The following MFHAS1 variants were observed in gnomAD, a reference collection of about 807,000 sequenced individuals.
MFHAS1 encodes malignant fibrous histiocytoma-amplified sequence 1.
MFHAS1 carries 50 observed loss-of-function variants against 70.4 expected under a neutral mutation model. The observed-to-expected ratio is 0.71, with a 90% CI of 0.57 to 0.90. The LOEUF (loss-of-function observed/expected upper bound fraction) is 0.90, where lower values mean the gene tolerates loss of function less well. Ranked by LOEUF, MFHAS1 falls within the 40% of genes least tolerant of loss-of-function variation. The pLI, the probability that MFHAS1 is intolerant of heterozygous loss-of-function variation, is 0.00. For synonymous variants in MFHAS1, 952 were observed against 620.0 expected (o/e 1.54, Z -7.96); for missense variants, 1,795 against 1,347.6 (o/e 1.33, Z -5.20).
intron 1 of MFHAS1, among the ~76,000 whole-genome samples, chr8:8,834,077 G>A (rs1807508826): frequency 6.6e-6 from 1 of 151,952 alleles, no homozygotes; most frequent in Non-Finnish European, 1.5e-5. Context: ...AGTGAGCCAA[G>A]ATCGTGCCAC....
intron 1 of MFHAS1, among the ~76,000 whole-genome samples, chr8:8,869,353 A>G (rs900843874): frequency 6.6e-6 from 1 of 152,214 alleles, no homozygotes; most frequent in African/African-American, 2.4e-5. Flanking sequence ...GTTATGCACA[A>G]CCATAAAGAA....
At chr8:8,821,319 A>G (rs1276728706) in intron 1 of MFHAS1, among the ~76,000 whole-genome samples, 1 of 152,236 alleles carries the variant, frequency 6.6e-6, no homozygotes, top group Non-Finnish European at 1.5e-5. Flanking sequence ...GTCACTTACT[A>G]CTAAGCCTAT....
At chr8:8,889,121 G>C (rs941654957) in intron 1 of MFHAS1, among the ~76,000 whole-genome samples, 1 of 150,024 alleles carries the variant, frequency 6.7e-6, no homozygotes, top group East Asian at 2.0e-4. Flanking sequence ...CGAAAAAAAA[G>C]TCTACTGGAA....
chr8:8,829,312 C>G (rs1391489839), intron 1 of MFHAS1, among the ~76,000 whole-genome samples: 1 of 152,208 alleles, frequency 6.6e-6, no homozygotes, highest in Non-Finnish European at 1.5e-5. Context: ...GCTCAGCACC[C>G]TGGACATCAT....
At chr8:8,872,498 A>G (rs1809116458) in intron 1 of MFHAS1, among the ~76,000 whole-genome samples, 1 of 152,192 alleles carries the variant, frequency 6.6e-6, no homozygotes, top group African/African-American at 2.4e-5. Flanking sequence ...TTTTCTTTTT[A>G]GCTAAGCAAG....
Position 8,797,293 on chromosome 8 carries a change from T to C in MFHAS1, c.3125+72A>G, listed in dbSNP as rs867416198. ...TTGTGCAGATGCAGTTTAACCTGGA[T>C]TTTTGTGGTCATATCTATGGAGCTG... On this transcript the variant is annotated intron_variant, in intron 2 of 2. Transcript: ENST00000276282. The C allele has an allele frequency of 4.5e-6, 7 of 1,561,840 alleles. No homozygotes were observed. In the Middle Eastern group the frequency reaches 1.0e-3, roughly 230 times the overall value.
chr8:8,864,031 G>A (rs200233893), intron 1 of MFHAS1, among the ~76,000 whole-genome samples: 5 of 152,018 alleles, frequency 3.3e-5, no homozygotes, highest in African/African-American at 7.3e-5. Context: ...CCTGTTTACC[G>A]GCATGTAGTT....
At chr8:8,854,241 A>T (rs571276474) in intron 1 of MFHAS1, among the ~76,000 whole-genome samples, 103 of 152,236 alleles carry the variant, frequency 6.8e-4, no homozygotes, top group African/African-American at 2.4e-3. Context: ...TACTAAAAAC[A>T]TAAAAATTAG....
intron 1 of MFHAS1, among the ~76,000 whole-genome samples, chr8:8,800,937 T>G (rs1290377939): frequency 6.6e-6 from 1 of 152,054 alleles, no homozygotes; most frequent in Non-Finnish European, 1.5e-5. Context: ...AATAACAGGC[T>G]GGGTGCAGTG....
intron 1 of MFHAS1, among the ~76,000 whole-genome samples, chr8:8,844,238 G>C (rs1341317305): frequency 2.0e-5 from 3 of 152,100 alleles, no homozygotes; most frequent in Non-Finnish European, 4.4e-5. Flanking sequence ...CCTTCCATAG[G>C]AGCCCTAAAA....
intron 1 of MFHAS1, among the ~76,000 whole-genome samples, chr8:8,849,907 C>A (rs528673369): frequency 2.9e-4 from 44 of 152,304 alleles, no homozygotes; most frequent in Non-Finnish European, 5.4e-4. Flanking sequence ...TTTAAATATT[C>A]TGAGACAGAA....
intron 1 of MFHAS1, among the ~76,000 whole-genome samples, chr8:8,819,945 GC>G (rs1380638702): frequency 2.7e-4 from 41 of 152,104 alleles, no homozygotes; most frequent in African/African-American, 7.7e-4. Context: ...CTATCCTCCC[GC>G]CTCGGCCTCC....
rs142403098 is a variant in MFHAS1, at chr8:8,839,615, G to A, written c.2999-42124C>T. The stretch of plus-strand genomic sequence containing the variant: ...CCTCATCTCATAAGCTTGCTCTGCA[G>A]ATCTGATGATGGCATATAAACAAAC... On this transcript the variant is annotated intron_variant, in intron 1 of 2. Coordinates refer to ENST00000276282, the MANE Select transcript of MFHAS1 (RefSeq NM_004225.3). Among the ~76,000 whole-genome samples the A allele has an allele frequency of 4.5e-3, 682 of 152,294 alleles. 3 individuals carry two copies. Among genetic ancestry groups the A allele is most frequent in the Non-Finnish European group, 6.9e-3 (472 of 68,026 alleles).
Position 8,893,063 on chromosome 8 carries a change from G to C in MFHAS1, c.-5C>G. ...GCCACTGTCCATCCCAGCCATGGCG[G>C]GGCCCCGGGCCGACAGCCTCACGCG... On this transcript the variant is annotated 5_prime_UTR_variant, in exon 1 of 3. Coordinates refer to ENST00000276282, the MANE Select transcript of MFHAS1 (RefSeq NM_004225.3). 6.8e-7 allele frequency: 1 copy of C among 1,478,718 alleles called. No individual in the cohort carries two copies. Among genetic ancestry groups the C allele is most frequent in the Non-Finnish European group, 8.9e-7 (1 of 1,123,662 alleles). The allele number at this position is 1,478,718 out of a possible 1,614,324, so 91.6% of individuals were successfully genotyped here.
intron 1 of MFHAS1, among the ~76,000 whole-genome samples, chr8:8,874,917 A>C (rs1263996437): frequency 2.0e-5 from 3 of 152,010 alleles, no homozygotes; most frequent in Non-Finnish European, 4.4e-5. Flanking sequence ...AAAAAAAAAA[A>C]AGAAAAACCA....
At chr8:8,851,095 G>GA (rs1405208528) in intron 1 of MFHAS1, among the ~76,000 whole-genome samples, 8 of 152,178 alleles carry the variant, frequency 5.3e-5, no homozygotes, top group Non-Finnish European at 1.0e-4. Context: ...GAGGTTAGGA[G>GA]AAAATCCCAA....
chr8:8,834,728 T>C (rs1046676183), intron 1 of MFHAS1, among the ~76,000 whole-genome samples: 1 of 152,236 alleles, frequency 6.6e-6, no homozygotes, highest in African/African-American at 2.4e-5. Context: ...CATTAAGGGA[T>C]GCATGACTGT....
intron 1 of MFHAS1, among the ~76,000 whole-genome samples, chr8:8,810,719 T>C (rs867797646): frequency 5.3e-5 from 8 of 152,200 alleles, no homozygotes; most frequent in Admixed American, 1.3e-4. Flanking sequence ...CAGTCAACAA[T>C]AGGCTATCAG....
In MFHAS1 at chr8:8,873,720, C is replaced by G. The variant is rs187496722; in HGVS notation, c.2998+16341G>C. Among the ~76,000 whole-genome samples, 419 of 152,202 alleles carry G rather than the reference C, an allele frequency of 2.8e-3. 2 individuals carry two copies. The highest frequency in any genetic ancestry group is 4.8e-3 in the Non-Finnish European group (328 of 68,016). ...TCTAGGATACAAATAAAAACAACCA[C>G]GCAGCGCGGGAAGATTTTTGTTTAG... On this transcript the variant is annotated intron_variant, in intron 1 of 2. Transcript: ENST00000276282.
Sources: gnomAD v4.1 joint callset for allele counts (sites outside exome capture counted in the v4.1 genomes callset) on GRCh38, gnomAD v4.1.1 for gene constraint, MANE v1.5 for transcripts, NCBI Gene and HGNC (gene_info 2026-07-23, HGNC 2026-07-21) for gene names.